The following FBXO40 variants were observed in gnomAD, a reference collection of about 807,000 sequenced individuals.
FBXO40 encodes the protein F-box protein 40.
A neutral mutation model predicts 49.9 loss-of-function variants in FBXO40; 50 were observed. That is an observed-to-expected ratio of 1.00 (90% CI 0.80 to 1.27). The LOEUF (loss-of-function observed/expected upper bound fraction) is 1.27, where lower values mean the gene tolerates loss of function less well. Ranked by LOEUF, FBXO40 falls within the 50% of genes most tolerant of loss-of-function variation. The probability of loss-of-function intolerance (pLI) is 0.00; values close to 1 mark genes in which losing one functional copy is unlikely to be tolerated. For missense variants in FBXO40, 895 were observed against 870.1 expected (o/e 1.03, Z -0.36); for synonymous variants, 340 against 320.2 (o/e 1.06, Z -0.66).
At chr3:121,594,843 A>G (rs1339064829) in intron 1 of FBXO40, among the ~76,000 whole-genome samples, 1 of 152,244 alleles carries the variant, frequency 6.6e-6, no homozygotes, top group African/African-American at 2.4e-5. Context: ...ACAATTTTGC[A>G]TATTCAGAGG....
At chr3:121,597,040 T>G (rs1303111362) in intron 1 of FBXO40, among the ~76,000 whole-genome samples, 3 of 152,170 alleles carry the variant, frequency 2.0e-5, no homozygotes, top group Non-Finnish European at 4.4e-5. Flanking sequence ...CTCCTTCCAC[T>G]GCCTGCACAC....
intron 3 of FBXO40, among the ~76,000 whole-genome samples, chr3:121,625,662 A>G (rs1353641388): frequency 6.6e-6 from 1 of 152,208 alleles, no homozygotes; most frequent in Non-Finnish European, 1.5e-5. Flanking sequence ...TTTTTGGCTC[A>G]AGTTTTTCCC....
rs777845129 is a variant in FBXO40 at position 121,621,743 on chromosome 3, T to G, written c.314T>G (p.Val105Gly). 6.2e-7 allele frequency: 1 copy of G among 1,614,174 alleles called. No homozygotes were observed. The highest frequency in any genetic ancestry group is 2.2e-5 in the East Asian group (1 of 44,886). Residue 105 changes from valine to glycine, a missense_variant, in exon 3 of 4, where the codon GTG becomes GGG. By Grantham distance (109) the Val-to-Gly change is moderately radical. Transcript: ENST00000338040. ...CSMEWNRWPN[V>G]DSETTLHENI... is the part of the protein sequence containing the mutation. ...ATGGAGTGGAACCGCTGGCCAAATG[T>G]GGACTCTGAAACCACCCTTCATGAA...
At position 121,618,687 on chromosome 3, in the gene FBXO40, C is replaced by T. The variant is rs935921074; in HGVS notation, c.-30-1859C>T. ...TTGGGGTTATAGGCTTGAGCCACCGCGCCTGGCTGGCAACTTATTTTCAAG... is the reference window on the plus strand; with the variant it reads ...TTGGGGTTATAGGCTTGAGCCACCGTGCCTGGCTGGCAACTTATTTTCAAG... On this transcript the variant is annotated intron_variant, in intron 1 of 3. Coordinates refer to ENST00000338040, the MANE Select transcript of FBXO40 (RefSeq NM_016298.4). Among the ~76,000 whole-genome samples, 9 of 151,698 alleles carry T rather than the reference C, an allele frequency of 5.9e-5. 1 individual carries two copies. In the South Asian group the frequency reaches 8.3e-4, roughly 14 times the overall value.
intron 1 of FBXO40, among the ~76,000 whole-genome samples, chr3:121,612,572 CCTT>C (rs1174524477): frequency 1.3e-5 from 2 of 152,228 alleles, no homozygotes; most frequent in South Asian, 2.1e-4. Context: ...ATTTTTCTCT[CCTT>C]CTATCAAACA....
At chr3:121,597,656 C>T (rs2048879001) in intron 1 of FBXO40, among the ~76,000 whole-genome samples, 1 of 104,358 alleles carries the variant, frequency 9.6e-6, no homozygotes, top group African/African-American at 3.5e-5. Context: ...TATTATAGGC[C>T]CCCTTTTTTT....
Position 121,622,068 on chromosome 3 carries a change from C to T in FBXO40, c.639C>T (p.Val213=), listed in dbSNP as rs747835644. 6.2e-7 allele frequency: 1 copy of T among 1,614,150 alleles called. No homozygotes were observed. The highest frequency in any genetic ancestry group is 8.5e-7 in the Non-Finnish European group (1 of 1,180,046). ...LAKTKEGMDL[V]KFGQWENIFS... is the part of the protein sequence containing the mutation. ...AAACCAAAGAAGGGATGGACCTGGT[C>T]AAGTTTGGCCAGTGGGAAAATATTT... Residue 213 remains valine, a synonymous_variant, in exon 3 of 4, where the codon GTC becomes GTT. Transcript: ENST00000338040.
At chr3:121,612,649 T>C (rs1044413254) in intron 1 of FBXO40, among the ~76,000 whole-genome samples, 1 of 152,116 alleles carries the variant, frequency 6.6e-6, no homozygotes, top group Non-Finnish European at 1.5e-5. Context: ...CATAGAGTAT[T>C]TCTCCACACT....
In FBXO40 at chr3:121,629,644, C is replaced by T. The variant is rs1026673516; in HGVS notation, c.*2734C>T. The T allele has an allele frequency of 5.3e-5, 8 of 152,168 alleles. No homozygotes were observed. Among genetic ancestry groups the T allele is most frequent in the African/African-American group, 1.9e-4 (8 of 41,436 alleles). The allele number at this position is 152,168 out of a possible 1,614,324, so 9.4% of individuals were successfully genotyped here. ...TGGTTCAGGAGAGTGGCACTGCCCA[C>T]AACTGCTTTGTGGGTTGTGCACTTC... On this transcript the variant is annotated 3_prime_UTR_variant, in exon 4 of 4. Transcript: ENST00000338040.
In FBXO40 at chr3:121,626,751, C is replaced by T. The variant is rs769902575; in HGVS notation, c.1971C>T (p.Val657=). 1 of 1,614,164 alleles carries T rather than the reference C, an allele frequency of 6.2e-7. No individual in the cohort carries two copies. The highest frequency in any genetic ancestry group is 2.2e-5 in the East Asian group (1 of 44,886). ...TCAAGAGCTGGGAGTTTAATGAAGTCACCTCCATGTCTGAGCACCTGAAGT... is the reference window on the plus strand; with the variant it reads ...TCAAGAGCTGGGAGTTTAATGAAGTTACCTCCATGTCTGAGCACCTGAAGT... ...SKIKSWEFNE[V]TSMSEHLKSC... is the part of the protein sequence containing the mutation. Residue 657 remains valine, a synonymous_variant, in exon 4 of 4, where the codon GTC becomes GTT. Transcript: ENST00000338040.
In FBXO40 at chr3:121,621,660, C is replaced by T. The variant is rs776941231; in HGVS notation, c.231C>T (p.Ser77=). The change falls in exon 3 of 4, where the codon TCC becomes TCT. Residue 77 remains serine, a synonymous_variant. Coordinates refer to ENST00000338040, the MANE Select transcript of FBXO40 (RefSeq NM_016298.4). The part of the protein sequence containing the change: ...NSEYGCPLSM[S]RHKLAKHLQV... Reference sequence around the variant, plus strand: ...AATATGGCTGCCCTCTGTCCATGTCCCGCCACAAACTGGCCAAGCACCTGC... The same window carrying T: ...AATATGGCTGCCCTCTGTCCATGTCTCGCCACAAACTGGCCAAGCACCTGC... The T allele has an allele frequency of 5.0e-6, 8 of 1,614,118 alleles. No homozygotes were observed. Among genetic ancestry groups the T allele is most frequent in the Non-Finnish European group, 6.8e-6 (8 of 1,180,038 alleles).
Position 121,622,328 on chromosome 3 carries a change from C to T in FBXO40, c.899C>T (p.Thr300Ile). The T allele has an allele frequency of 6.2e-7, 1 of 1,614,228 alleles. No individual in the cohort carries two copies. ...GATGGTGTTCTGGAAAGACTGAAAACAGCTGTGGATGCAAAGGACTATAAC... is the reference window on the plus strand; with the variant it reads ...GATGGTGTTCTGGAAAGACTGAAAATAGCTGTGGATGCAAAGGACTATAAC... ...WQDGVLERLK[T>I]AVDAKDYNMY... is the part of the protein sequence containing the mutation. The change falls in exon 3 of 4, where the codon ACA becomes ATA. Residue 300 changes from threonine (T) to isoleucine (I), a missense_variant. Thr to Ile is a moderately conservative substitution (Grantham distance 89, BLOSUM62 -1). Coordinates refer to ENST00000338040, the MANE Select transcript of FBXO40 (RefSeq NM_016298.4).
chr3:121,598,065 G>A (rs1034380033), intron 1 of FBXO40, among the ~76,000 whole-genome samples: 7 of 152,104 alleles, frequency 4.6e-5, no homozygotes, highest in Non-Finnish European at 1.0e-4. Context: ...ACTTTATATT[G>A]GGGGTGTCAG....
In FBXO40 at chr3:121,622,864, T is replaced by C; in HGVS notation, c.1435T>C (p.Cys479Arg). 5 of 1,614,182 alleles carry C rather than the reference T, an allele frequency of 3.1e-6. No homozygotes were observed. Among genetic ancestry groups the C allele is most frequent in the East Asian group, 2.2e-5 (1 of 44,890 alleles). Residue 479 changes from cysteine to arginine, a missense_variant, in exon 3 of 4, where the codon TGC (cysteine) becomes CGC (arginine). By Grantham distance (180) the Cys-to-Arg change is radical (BLOSUM62 -3). Transcript: ENST00000338040. ...NKSSSAFTFT[C>R]NKFFRRDEFP... ...AAGCAGCTCTGCCTTCACTTTCACT[T>C]GCAACAAATTCTTCAGGAGGGATGA...
At chr3:121,610,042 C>T (rs749196757) in intron 1 of FBXO40, among the ~76,000 whole-genome samples, 28 of 152,286 alleles carry the variant, frequency 1.8e-4, no homozygotes, top group Non-Finnish European at 3.1e-4. Context: ...GTTCAGGAGC[C>T]GATTCTTGGG....
At position 121,627,823 on chromosome 3, in the gene FBXO40, G is replaced by T; in HGVS notation, c.*913G>T. ...GCCAACCTCAGCGTCATGCCAGAAT[G>T]CACAGGGCAGCCCAGGGAGATCACA... On this transcript the variant is annotated 3_prime_UTR_variant, in exon 4 of 4. Coordinates refer to ENST00000338040, the MANE Select transcript of FBXO40 (RefSeq NM_016298.4). The T allele has an allele frequency of 2.5e-6, 1 of 398,646 alleles. No individual in the cohort carries two copies. The allele number at this position is 398,646 out of a possible 1,614,324, so 24.7% of individuals were successfully genotyped here.
At chr3:121,595,028 C>T (rs1222863735) in intron 1 of FBXO40, among the ~76,000 whole-genome samples, 1 of 152,166 alleles carries the variant, frequency 6.6e-6, no homozygotes, top group Non-Finnish European at 1.5e-5. Flanking sequence ...TAAGGACATC[C>T]TGGGAAGTGG....
rs760554899 is a variant in FBXO40 at position 121,621,978 on chromosome 3, T to C, written c.549T>C (p.His183=). Residue 183 remains histidine (H), a synonymous_variant, in exon 3 of 4, where the codon CAT becomes CAC. Coordinates refer to ENST00000338040, the MANE Select transcript of FBXO40 (RefSeq NM_016298.4). The stretch of plus-strand genomic sequence containing the variant: ...GAGTGGATATCGGTTTGGTACCACA[T>C]GGTCTGTCAGCAACTAATGGGGAGA... The part of the protein sequence containing the change: ...VGGVDIGLVP[H]GLSATNGEMA... The C allele has an allele frequency of 4.3e-6, 7 of 1,614,158 alleles. No individual in the cohort carries two copies. Among genetic ancestry groups the C allele is most frequent in the Non-Finnish European group, 5.1e-6 (6 of 1,180,014 alleles).
intron 1 of FBXO40, among the ~76,000 whole-genome samples, chr3:121,617,061 AACAG>A (rs1400847668): frequency 2.0e-5 from 3 of 152,178 alleles, no homozygotes; most frequent in Non-Finnish European, 4.4e-5. Context: ...AATGGATATG[AACAG>A]ACAGAGAAAA....
Sources: gnomAD v4.1 joint callset for allele counts (sites outside exome capture counted in the v4.1 genomes callset) on GRCh38, gnomAD v4.1.1 for gene constraint, MANE v1.5 for transcripts, NCBI Gene and HGNC (gene_info 2026-07-23, HGNC 2026-07-21) for gene names.